The following ARMC5 variants were observed in gnomAD, a reference collection of about 807,000 sequenced individuals.
ARMC5 encodes armadillo repeat containing 5, also known as armadillo repeat-containing protein 5.
In ARMC5, 28 loss-of-function variants were observed where a neutral mutation model predicts 60.5. The observed-to-expected ratio is 0.46, with a 90% CI of 0.34 to 0.63. The LOEUF (loss-of-function observed/expected upper bound fraction) is 0.63. Ranked by LOEUF, ARMC5 falls within the 30% of genes least tolerant of loss-of-function variation. The probability of loss-of-function intolerance (pLI) is 0.01; values close to 1 mark genes in which losing one functional copy is unlikely to be tolerated. For missense variants in ARMC5, 1,189 were observed against 1,304.9 expected (o/e 0.91, Z 1.37); for synonymous variants, 680 against 607.3 (o/e 1.12, Z -1.76).
At chr16:31,460,734 C>T (rs774150147) in intron 1 of ARMC5, among the ~76,000 whole-genome samples, 11 of 152,078 alleles carry the variant, frequency 7.2e-5, no homozygotes, top group Non-Finnish European at 1.3e-4. Context: ...AACAAGACCT[C>T]GTATCTTAGA....
chr16:31,459,002 G>C, upstream of ARMC5: 1 of 1,534,330 alleles, frequency 6.5e-7, no homozygotes, highest in East Asian at 2.4e-5. Context: ...TTCTTCCTCT[G>C]ACCGAGCGAG....
intron 1 of ARMC5, 172 bp downstream of exon 1, chr16:31,460,171 T>C: frequency 3.1e-6 from 2 of 648,100 alleles, no homozygotes; most frequent in Non-Finnish European, 5.0e-6. Context: ...GCACTCTCTA[T>C]AGATGAGAGA....
In ARMC5 at chr16:31,464,664, G is replaced by A. The variant is rs61732352; in HGVS notation, c.1641G>A (p.Ala547=). 10,648 of 1,598,570 alleles carry A rather than the reference G, an allele frequency of 6.7e-3. 44 individuals are homozygous for A. Among genetic ancestry groups the A allele is most frequent in the Non-Finnish European group, 7.9e-3 (9,340 of 1,178,886 alleles). ...DPSGALVTGP[A]LYGLLTYVTG... The stretch of plus-strand genomic sequence containing the variant: ...GTGGGGCACTTGTGACCGGCCCGGC[G>A]CTGTACGGCCTGCTGACCTATGTGA... The change falls in exon 4 of 6, where the codon GCG becomes GCA. Residue 547 remains alanine (A), a synonymous_variant. Coordinates refer to ENST00000268314, the MANE Select transcript of ARMC5 (RefSeq NM_001105247.2). This position sits in a 1 kb window ranked among gnomAD's most constrained non-coding sequence, Gnocchi z 7.6.
Position 31,462,160 on chromosome 16 carries a change from A to C in ARMC5, c.613A>C (p.Thr205Pro). 1 of 1,612,674 alleles carries C rather than the reference A, an allele frequency of 6.2e-7. No individual in the cohort carries two copies. The highest frequency in any genetic ancestry group is 8.5e-7 in the Non-Finnish European group (1 of 1,179,648). The change falls in exon 3 of 6, where the codon ACA (threonine) becomes CCA (proline). Residue 205 changes from threonine to proline, a missense_variant. Coordinates refer to ENST00000268314, the MANE Select transcript of ARMC5 (RefSeq NM_001105247.2). The surrounding 1 kb of genome is among the most constrained non-coding windows in gnomAD (Gnocchi z 7.2). ...TGTTCCCCTGCTTGTGGAGAGCCTG[A>C]CAGCCTGCCAGGACTCGCAGTGCCT... The part of the protein sequence containing the change: ...GAVPLLVESL[T>P]ACQDSQCLQS...
rs752339527 is a variant in ARMC5 at position 31,464,472 on chromosome 16, G to A, written c.1449G>A (p.Pro483=). The A allele has an allele frequency of 2.1e-5, 33 of 1,604,842 alleles. 1 individual carries two copies. Among genetic ancestry groups the A allele is most frequent in the South Asian group, 5.5e-5 (5 of 90,206 alleles). ...SPDWSPEQCP[P]EPMEPASPAP... ...ACTGGTCTCCTGAGCAGTGTCCGCC[G>A]GAGCCCATGGAGCCGGCCAGCCCCG... The change falls in exon 4 of 6, where the codon CCG becomes CCA. Residue 483 remains proline, a synonymous_variant. Transcript: ENST00000268314. This position sits in a 1 kb window ranked among gnomAD's most constrained non-coding sequence, Gnocchi z 7.6.
At chr16:31,459,351 G>A (rs2082276948), upstream of ARMC5, 2 of 1,535,912 alleles carry the variant, frequency 1.3e-6, no homozygotes, top group Non-Finnish European at 1.7e-6. Flanking sequence ...GTACTGCCGC[G>A]CCTCGTGTGC....
chr16:31,459,688 C>A lies in ARMC5; in HGVS notation c.164C>A (p.Ala55Glu), dbSNP rs754286092. 4 of 1,570,756 alleles carry A rather than the reference C, an allele frequency of 2.5e-6. No homozygotes were observed. The highest frequency in any genetic ancestry group is 1.4e-5 in the African/African-American group (1 of 72,188). The change falls in exon 1 of 6, where the codon GCG (alanine) becomes GAG (glutamate). Residue 55 changes from alanine to glutamate, a missense_variant. Coordinates refer to ENST00000268314, the MANE Select transcript of ARMC5 (RefSeq NM_001105247.2). ...LALRTRHIKA[A>E]GGIERFRARG... ...CTCCGCACGCGCCACATCAAGGCAG[C>A]GGGGGGAATCGAGCGCTTCCGGGCA...
At position 31,466,704 on chromosome 16, in the gene ARMC5, C is replaced by A; in HGVS notation, c.2623C>A (p.Leu875Met). The change falls in exon 6 of 6, where the codon CTG (leucine) becomes ATG (methionine). Residue 875 changes from leucine (L) to methionine (M), a missense_variant. Leu to Met is a conservative substitution (Grantham distance 15). This residue lies in a region of ARMC5 where 862 missense variants were observed against 1,071.2 expected (regional missense o/e 0.80). Coordinates refer to ENST00000268314, the MANE Select transcript of ARMC5 (RefSeq NM_001105247.2). This position sits in a 1 kb window ranked among gnomAD's most constrained non-coding sequence, Gnocchi z 8.0. ...GGAGTCAGTGGGTGAGGTGTTCCGC[C>A]TGGGCCGGCCCCGGCTGGCTGCCCA... is the stretch of plus-strand genomic sequence containing the variant. ...GPESVGEVFR[L>M]GRPRLAAHCA... is the part of the protein sequence containing the mutation. The A allele has an allele frequency of 6.4e-7, 1 of 1,562,750 alleles. No homozygotes were observed. The highest frequency in any genetic ancestry group is 8.7e-7 in the Non-Finnish European group (1 of 1,154,224).
At chr16:31,460,218 A>G (rs1408003010) in intron 1 of ARMC5, 2 of 539,998 alleles carry the variant, frequency 3.7e-6, no homozygotes, top group East Asian at 3.6e-5. Flanking sequence ...GCCATTATCT[A>G]GGAATTGGTT....
In ARMC5 at chr16:31,462,551, G is replaced by A. The variant is rs763409959; in HGVS notation, c.1004G>A (p.Arg335Gln). The change falls in exon 3 of 6, where the codon CGG (arginine) becomes CAG (glutamine). Residue 335 changes from arginine (R) to glutamine (Q), a missense_variant. Physicochemically the swap from Arg to Gln is conservative, Grantham distance 43. Around this residue, in one of 2 missense-constraint regions of ARMC5, gnomAD observed 862 missense variants for 1,071.2 expected, o/e 0.80. Coordinates refer to ENST00000268314, the MANE Select transcript of ARMC5 (RefSeq NM_001105247.2). The surrounding 1 kb of genome is among the most constrained non-coding windows in gnomAD (Gnocchi z 7.2). ...EVLVDELRQR[R>Q]DPNGASPTSQ... ...CTGGTAGATGAGCTCCGGCAGCGCC[G>A]GGATCCTAATGGAGCTAGCCCAACC... 13 of 1,611,148 alleles carry A rather than the reference G, an allele frequency of 8.1e-6. No homozygotes were observed. The highest frequency in any genetic ancestry group is 2.2e-5 in the East Asian group (1 of 44,882).
chr16:31,464,143 T>G lies in ARMC5; in HGVS notation c.1371-251T>G, dbSNP rs6565233. 7.1e-3 allele frequency among the ~76,000 whole-genome samples: 972 copies of G among 137,842 alleles called. 17 individuals carry two copies. The highest frequency in any genetic ancestry group is 0.026 in the African/African-American group (925 of 34,946). The allele number at this position is 137,842 out of a possible 152,430, so 90.4% of individuals were successfully genotyped here. A position where few individuals can be genotyped will look rare whatever the true frequency, so the allele number is the denominator to read the frequency against. On this transcript the variant is annotated intron_variant, in intron 3 of 5. Coordinates refer to ENST00000268314, the MANE Select transcript of ARMC5 (RefSeq NM_001105247.2). This position sits in a 1 kb window ranked among gnomAD's most constrained non-coding sequence, Gnocchi z 7.6. ...CATCTCTACAAAACATTTAAAAAAT[T>G]AGCTGAGTGTGGTGCACACAGCTGT...
At chr16:31,459,029 C>A (rs951641980), upstream of ARMC5, 2 of 1,528,406 alleles carry the variant, frequency 1.3e-6, no homozygotes, top group South Asian at 1.2e-5. Context: ...CCGTCTGCGG[C>A]GCGGTCAGGA....
Position 31,464,334 on chromosome 16 carries a change from G to T in ARMC5, c.1371-60G>T. 8.5e-7 allele frequency: 1 copy of T among 1,173,466 alleles called. No individual in the cohort carries two copies. The highest frequency in any genetic ancestry group is 1.8e-5 in the South Asian group (1 of 57,010). The allele number at this position is 1,173,466 out of a possible 1,614,324, so 72.7% of individuals were successfully genotyped here. Reference sequence around the variant, plus strand: ...AAAAAAAAGACGCCTCACGCCTCTTGGACTCTGCCCCTTAACCTTGGCTCT... The same window carrying T: ...AAAAAAAAGACGCCTCACGCCTCTTTGACTCTGCCCCTTAACCTTGGCTCT... On this transcript the variant is annotated intron_variant, in intron 3 of 5. Transcript: ENST00000268314. This position sits in a 1 kb window ranked among gnomAD's most constrained non-coding sequence, Gnocchi z 7.6.
In ARMC5 at chr16:31,465,917, C is replaced by T. The variant is rs1185453187; in HGVS notation, c.1932C>T (p.His644=). The T allele has an allele frequency of 6.2e-7, 1 of 1,608,634 alleles. No homozygotes were observed. The highest frequency in any genetic ancestry group is 8.5e-7 in the Non-Finnish European group (1 of 1,179,832). Residue 644 remains histidine, a synonymous_variant, in exon 5 of 6, where the codon CAC becomes CAT. Coordinates refer to ENST00000268314, the MANE Select transcript of ARMC5 (RefSeq NM_001105247.2). ...CCTTTGGGGTTGGGGCCCTGACGCA[C>T]CTGCTGCTCTCTGGGAGCCCTGAGG... is the stretch of plus-strand genomic sequence containing the variant. The part of the protein sequence containing the change: ...ESPFGVGALT[H]LLLSGSPEDR...
intron 1 of ARMC5, among the ~76,000 whole-genome samples, chr16:31,461,247 A>G (rs1159721902): frequency 2.6e-5 from 4 of 151,982 alleles, no homozygotes; most frequent in Admixed American, 2.0e-4. Context: ...TTCTTTCCCC[A>G]TAATGCATTC....
rs374896159 is a variant in ARMC5, at chr16:31,459,878, T to G, written c.354T>G (p.Ser118Arg). The change falls in exon 1 of 6, where the codon AGT (serine) becomes AGG (arginine). Residue 118 changes from serine (S) to arginine (R), a missense_variant. Physicochemically the swap from Ser to Arg is moderately radical, Grantham distance 110. Coordinates refer to ENST00000268314, the MANE Select transcript of ARMC5 (RefSeq NM_001105247.2). ...CCCCCTCCGCTGTGTCGTCGTCTAG[T>G]CCTACGCCGCCAGTGCGCCTGCGCA... is the stretch of plus-strand genomic sequence containing the variant. ...GPAPSAVSSS[S>R]PTPPVRLRKT... 1.9e-6 allele frequency: 3 copies of G among 1,604,900 alleles called. No homozygotes were observed. The highest frequency in any genetic ancestry group is 1.7e-4 in the Middle Eastern group (1 of 5,980).
rs749423079 is a variant in ARMC5, at chr16:31,464,598, C to G, written c.1575C>G (p.Ala525=). The change falls in exon 4 of 6, where the codon GCC becomes GCG. Residue 525 remains alanine (A), a synonymous_variant. Transcript: ENST00000268314. This position sits in a 1 kb window ranked among gnomAD's most constrained non-coding sequence, Gnocchi z 7.6. ...AGCCTTGGGGACGCGAAGGGCCAGC[C>G]CTGCTGCTGCTGTCGCGCTTTTCCC... is the stretch of plus-strand genomic sequence containing the variant. ...IEEPWGREGP[A]LLLLSRFSQA... 5 of 1,589,326 alleles carry G rather than the reference C, an allele frequency of 3.1e-6. No individual in the cohort carries two copies. The Admixed American group carries it at 5.2e-5, about 16-fold the overall frequency.
At chr16:31,465,296 G>C in intron 4 of ARMC5, 1 of 1,473,486 alleles carries the variant, frequency 6.8e-7, no homozygotes, top group Non-Finnish European at 9.0e-7. Context: ...CCTGACCACA[G>C]GCTGCTTCAT....
chr16:31,466,740 T>C lies in ARMC5; in HGVS notation c.2659T>C (p.Trp887Arg), dbSNP rs2082364465. ...RPRLAAHCAR[W>R]TLGSEQCPRK... is the part of the protein sequence containing the mutation. ...CCGGCTGGCTGCCCACTGTGCCCGC[T>C]GGACACTGGGGTCAGAGCAGTGCCC... The change falls in exon 6 of 6, where the codon TGG (tryptophan) becomes CGG (arginine). Residue 887 changes from tryptophan to arginine, a missense_variant. Around this residue, in one of 2 missense-constraint regions of ARMC5, gnomAD observed 862 missense variants for 1,071.2 expected, o/e 0.80. Coordinates refer to ENST00000268314, the MANE Select transcript of ARMC5 (RefSeq NM_001105247.2). This position sits in a 1 kb window ranked among gnomAD's most constrained non-coding sequence, Gnocchi z 8.0. The C allele has an allele frequency of 6.4e-7, 1 of 1,565,966 alleles. No individual in the cohort carries two copies. Among genetic ancestry groups the C allele is most frequent in the East Asian group, 2.3e-5 (1 of 44,006 alleles).
Sources: gnomAD v4.1 joint callset for allele counts (sites outside exome capture counted in the v4.1 genomes callset) on GRCh38, gnomAD v4.1.1 for gene constraint, gnomAD v4.1.1 regional missense constraint, Gnocchi (gnomAD v3.1) non-coding constraint, MANE v1.5 for transcripts, NCBI Gene and HGNC (gene_info 2026-07-23, HGNC 2026-07-21) for gene names.